DIAPH2: variants seen among roughly 807,000 people sequenced by gnomAD.
DIAPH2 encodes the protein protein diaphanous homolog 2.
A neutral mutation model predicts 92.7 loss-of-function variants in DIAPH2; 35 were observed. The ratio of observed to expected loss-of-function variants is 0.38; its 90% confidence interval spans 0.29 to 0.50. DIAPH2 has a LOEUF of 0.50. DIAPH2 is among the 20% of genes least tolerant of loss of function. The pLI is 0.94. For synonymous variants in DIAPH2, 301 were observed against 280.4 expected, an observed-to-expected ratio of 1.07 and a Z score of -0.73; for missense variants, 701 against 819.5, an observed-to-expected ratio of 0.86 and a Z score of 1.77.
intron 17 of DIAPH2, among the ~76,000 whole-genome samples, chrX:97,041,142 T>C (rs2066445781): frequency 9.0e-6 from 1 of 111,087 alleles, no homozygotes; most frequent in African/African-American, 3.3e-5. Flanking sequence ...ATATATTTTT[T>C]CCTGTAACTA....
chrX:97,570,105 T>TTAGA (rs1225426126), intron 26 of DIAPH2, among the ~76,000 whole-genome samples: 1 of 32,255 alleles, frequency 3.1e-5, no homozygotes, highest in African/African-American at 9.3e-5. Flanking sequence ...TATATATATA[T>TTAGA]ATATATATAT....
At chrX:97,297,733 A>G (rs1275082491) in intron 23 of DIAPH2, among the ~76,000 whole-genome samples, 2 of 109,643 alleles carry the variant, frequency 1.8e-5, no homozygotes, top group Non-Finnish European at 3.8e-5. Context: ...TTTCCCCCCA[A>G]TATAAGCATT....
intron 23 of DIAPH2, among the ~76,000 whole-genome samples, chrX:97,334,414 G>T (rs1328203224): frequency 2.4e-4 from 24 of 99,322 alleles, no homozygotes; most frequent in Non-Finnish European, 4.6e-4. Context: ...AGTGAGCCGA[G>T]ATCGCGCCAC....
At chrX:96,781,167 T>TA (rs1042066147) in intron 4 of DIAPH2, among the ~76,000 whole-genome samples, 4 of 111,382 alleles carry the variant, frequency 3.6e-5, no homozygotes, top group African/African-American at 1.3e-4. Flanking sequence ...TGCTCTTATG[T>TA]AAAAACAAGA....
chrX:97,047,706 G>A (rs984002561), intron 17 of DIAPH2, among the ~76,000 whole-genome samples: 2 of 107,551 alleles, frequency 1.9e-5, no homozygotes, highest in South Asian at 4.2e-4. Context: ...CTCTGTGACC[G>A]TGTGACCTCA....
At chrX:96,907,516 T>C (rs2065441252) in intron 5 of DIAPH2, among the ~76,000 whole-genome samples, 1 of 112,015 alleles carries the variant, frequency 8.9e-6, no homozygotes, top group African/African-American at 3.2e-5. Flanking sequence ...AGCATGTGCT[T>C]AAGAGTCAGA....
chrX:97,200,580 C>T lies in DIAPH2; in HGVS notation c.2720-47135C>T, dbSNP rs1289049769. Among the ~76,000 whole-genome samples, 3 of 111,601 alleles carry T rather than the reference C, an allele frequency of 2.7e-5. No homozygotes were observed. In the East Asian group the frequency reaches 8.5e-4, roughly 31 times the overall value. On this transcript the variant is annotated intron_variant, in intron 22 of 26. Transcript: ENST00000324765. ...CGGAATTCATCACAGCGTGGCAAAG[C>T]GGCTGTGGCCAGAATGCTTCTCTAG...
intron 26 of DIAPH2, among the ~76,000 whole-genome samples, chrX:97,492,453 A>T (rs1427436436): frequency 1.8e-5 from 2 of 110,474 alleles, no homozygotes; most frequent in Non-Finnish European, 3.8e-5. Context: ...TATCTATATT[A>T]TATATATATA....
chrX:97,486,810 A>C, intron 26 of DIAPH2, among the ~76,000 whole-genome samples: 1 of 112,106 alleles, frequency 8.9e-6, no homozygotes, highest in Non-Finnish European at 1.9e-5. Flanking sequence ...TCAAATCTTT[A>C]AGTGCACAAT....
intron 5 of DIAPH2, among the ~76,000 whole-genome samples, chrX:96,893,150 A>G (rs1030254479): frequency 1.3e-4 from 15 of 112,179 alleles, no homozygotes; most frequent in Admixed American, 1.2e-3. Flanking sequence ...TTGTAAAAGT[A>G]GTTGCAGCTT....
At chrX:96,876,293 C>T (rs1416528788) in intron 4 of DIAPH2, among the ~76,000 whole-genome samples, 6 of 111,656 alleles carry the variant, frequency 5.4e-5, no homozygotes, top group African/African-American at 2.0e-4. Context: ...GAAATAGGAA[C>T]ACTTTGACAC....
chrX:97,549,956 A>T (rs1219431332), intron 26 of DIAPH2, among the ~76,000 whole-genome samples: 1 of 113,040 alleles, frequency 8.8e-6, no homozygotes, highest in African/African-American at 3.2e-5. Context: ...ATTCAAAATA[A>T]TCCCCAAGTA....
intron 17 of DIAPH2, among the ~76,000 whole-genome samples, chrX:97,010,736 G>A (rs2066219390): frequency 8.9e-6 from 1 of 112,054 alleles, no homozygotes; most frequent in African/African-American, 3.2e-5. Context: ...AACAGTTTTA[G>A]ATCAAACCTA....
At chrX:97,198,883 A>G (rs2067724997) in intron 22 of DIAPH2, among the ~76,000 whole-genome samples, 1 of 111,649 alleles carries the variant, frequency 9.0e-6, no homozygotes, top group African/African-American at 3.3e-5. Context: ...TGACAGCATT[A>G]TACTTTGTTA....
At chrX:96,942,292 G>A (rs776429053) in intron 13 of DIAPH2, among the ~76,000 whole-genome samples, 156 bp downstream of exon 13, 1 of 110,629 alleles carries the variant, frequency 9.0e-6, no homozygotes, top group Admixed American at 9.6e-5. Flanking sequence ...CTCAATTGCT[G>A]TAATTGTTAA....
chrX:97,570,093 TA>T (rs2071355129), intron 26 of DIAPH2, among the ~76,000 whole-genome samples: 3 of 29,354 alleles, frequency 1.0e-4, no homozygotes, highest in East Asian at 1.5e-3. Flanking sequence ...TATATATATA[TA>T]TATATATATA....
intron 4 of DIAPH2, among the ~76,000 whole-genome samples, chrX:96,847,686 A>G (rs2064980798): frequency 9.0e-6 from 1 of 110,806 alleles, no homozygotes; most frequent in Admixed American, 9.6e-5. Flanking sequence ...TTATATAGGT[A>G]AATTGCATGT....
At chrX:97,415,305 A>G (rs2069931193) in intron 25 of DIAPH2, among the ~76,000 whole-genome samples, 2 of 112,069 alleles carry the variant, frequency 1.8e-5, no homozygotes, top group Admixed American at 1.9e-4. Context: ...CGATTCCTCA[A>G]GGATCTAGAA....
At chrX:97,514,482 G>C (rs1313917444) in intron 26 of DIAPH2, among the ~76,000 whole-genome samples, 1 of 112,961 alleles carries the variant, frequency 8.9e-6, no homozygotes, top group African/African-American at 3.2e-5. Flanking sequence ...AGAGTAATTT[G>C]ATCGTCTGAA....
Sources: allele counts gnomAD v4.1 joint callset (sites outside exome capture counted in the v4.1 genomes callset), GRCh38; gene constraint gnomAD v4.1.1; transcripts MANE v1.5; gene names NCBI Gene and HGNC (gene_info 2026-07-23, HGNC 2026-07-21).